KCNQ4: variants seen among roughly 807,000 people sequenced by gnomAD.
KCNQ4 encodes the protein potassium voltage-gated channel subfamily Q member 4, also known as potassium voltage-gated channel subfamily KQT member 4.
KCNQ4 carries 31 observed loss-of-function variants against 72.6 expected under a neutral mutation model. The ratio of observed to expected loss-of-function variants is 0.43; its 90% CI spans 0.32 to 0.58. KCNQ4 has a LOEUF of 0.58. KCNQ4 is among the 20% of genes least tolerant of loss of function. KCNQ4 has a pLI of 0.08. For missense variants in KCNQ4, 869 were observed against 962.6 expected (o/e 0.90, Z 1.29); for synonymous variants, 405 against 403.7 (o/e 1.00, Z -0.04).
chr1:40,838,382 G>A lies in KCNQ4; in HGVS notation c.1947G>A (p.Ser649=). The change falls in exon 14 of 14, where the codon TCG becomes TCA. Residue 649 remains serine, a synonymous_variant. Transcript: ENST00000347132. ...FYSRCLRSGT[S]ASLGAVQVPL... is the part of the protein sequence containing the mutation. The stretch of plus-strand genomic sequence containing the variant: ...CGCGCTGCCTGCGCTCTGGCACCTC[G>A]GCCAGCCTGGGCGCCGTGCAAGTGC... 6.2e-7 allele frequency: 1 copy of A among 1,614,024 alleles called. No homozygotes were observed. Among genetic ancestry groups the A allele is most frequent in the Non-Finnish European group, 8.5e-7 (1 of 1,179,962 alleles).
intron 7 of KCNQ4, 39 bp from the exon 8 acceptor site, chr1:40,822,275 T>C (rs1570835431): frequency 6.6e-7 from 1 of 1,525,904 alleles, no homozygotes; most frequent in East Asian, 2.3e-5. Flanking sequence ...CTGAGAGGCC[T>C]CACTGATGCC....
At chr1:40,787,255 A>C (rs765081159) in intron 1 of KCNQ4, among the ~76,000 whole-genome samples, 1 of 152,134 alleles carries the variant, frequency 6.6e-6, no homozygotes, top group African/African-American at 2.4e-5. Context: ...TGTAGACACA[A>C]TTACTTGGGA....
intron 9 of KCNQ4, among the ~76,000 whole-genome samples, chr1:40,829,376 C>A (rs1474479340): frequency 6.6e-6 from 1 of 152,154 alleles, no homozygotes; most frequent in African/African-American, 2.4e-5. Flanking sequence ...CAGTGGAGAG[C>A]ATGCTGGATA....
chr1:40,811,000 AG>A (rs1402619411), intron 1 of KCNQ4, among the ~76,000 whole-genome samples: 1 of 152,196 alleles, frequency 6.6e-6, no homozygotes. Flanking sequence ...CTCCTTTTAA[AG>A]TGTTCAGTTC....
intron 7 of KCNQ4, among the ~76,000 whole-genome samples, chr1:40,821,685 T>G (rs951901196): frequency 5.9e-5 from 9 of 152,110 alleles, no homozygotes; most frequent in Non-Finnish European, 2.9e-5. Context: ...CTGCAAACAT[T>G]TGCAAAGCAC....
chr1:40,820,912 G>A (rs1648269418), intron 7 of KCNQ4, among the ~76,000 whole-genome samples: 1 of 152,182 alleles, frequency 6.6e-6, no homozygotes, highest in Admixed American at 6.5e-5. Context: ...TTCTAGTCAG[G>A]GGTGTGTGTA....
intron 4 of KCNQ4, chr1:40,819,101 C>T: frequency 1.9e-6 from 1 of 518,762 alleles, no homozygotes; most frequent in Non-Finnish European, 3.4e-6. Flanking sequence ...AGTCCTGAGC[C>T]TGGAACCTGG....
intron 1 of KCNQ4, among the ~76,000 whole-genome samples, chr1:40,799,886 G>A (rs912615716): frequency 6.6e-6 from 1 of 152,180 alleles, no homozygotes; most frequent in Non-Finnish European, 1.5e-5. Context: ...CTGGTTCTTT[G>A]AATGACACCT....
At chr1:40,799,412 G>A (rs1326736617) in intron 1 of KCNQ4, among the ~76,000 whole-genome samples, 1 of 149,354 alleles carries the variant, frequency 6.7e-6, no homozygotes, top group Admixed American at 6.6e-5. Flanking sequence ...ACAAGTCAGG[G>A]AGGCAAATGT....
At chr1:40,814,846 T>C (rs1457536977) in intron 1 of KCNQ4, among the ~76,000 whole-genome samples, 1 of 152,186 alleles carries the variant, frequency 6.6e-6, no homozygotes, top group Non-Finnish European at 1.5e-5. Context: ...GTTTCAAACA[T>C]TGGGATCACA....
chr1:40,829,203 G>A (rs1300779213), intron 9 of KCNQ4, among the ~76,000 whole-genome samples: 2 of 152,222 alleles, frequency 1.3e-5, no homozygotes, highest in Non-Finnish European at 2.9e-5. Flanking sequence ...TCTCCCTCTT[G>A]GAGGAGTGGA....
rs72661504 is a variant in KCNQ4 at position 40,794,294 on chromosome 1, C to T, written c.314+9887C>T. ...CCTGTGGGCAGTGGGGAGCCATACA[C>T]GGTGACAGGCCAGGGTGGGGACACT... On this transcript the variant is annotated intron_variant, in intron 1 of 13. Coordinates refer to ENST00000347132, the MANE Select transcript of KCNQ4 (RefSeq NM_004700.4). This position sits in a 1 kb window ranked among gnomAD's most constrained non-coding sequence, Gnocchi z 4.2. Among the ~76,000 whole-genome samples the T allele has an allele frequency of 0.021, 3,245 of 152,280 alleles. 49 individuals are homozygous for T. Among genetic ancestry groups the T allele is most frequent in the Middle Eastern group, 0.048 (14 of 294 alleles).
At position 40,817,206 on chromosome 1, in the gene KCNQ4, C is replaced by A. The variant is rs2148316949; in HGVS notation, c.315-59C>A. ...TGGCTCTGTAACCCCCTGCCAGGGG[C>A]ACCTTGGCTGTCCTGTCCCTCCAAC... On this transcript the variant is annotated intron_variant, in intron 1 of 13. Coordinates refer to ENST00000347132, the MANE Select transcript of KCNQ4 (RefSeq NM_004700.4). This position sits in a 1 kb window ranked among gnomAD's most constrained non-coding sequence, Gnocchi z 5.5. 1 of 1,383,894 alleles carries A rather than the reference C, an allele frequency of 7.2e-7. No individual in the cohort carries two copies. Among genetic ancestry groups the A allele is most frequent in the Non-Finnish European group, 1.0e-6 (1 of 975,952 alleles). 85.7% of individuals were successfully genotyped at this position (1,383,894 alleles called of 1,614,324 possible).
Position 40,824,150 on chromosome 1 carries a change from G to C in KCNQ4, c.1184G>C (p.Arg395Pro). 1.9e-6 allele frequency: 3 copies of C among 1,567,104 alleles called. No homozygotes were observed. The highest frequency in any genetic ancestry group is 2.6e-6 in the Non-Finnish European group (3 of 1,156,680). ...HVQRARNGGL[R>P]PLEVRRAPVP... is the part of the protein sequence containing the mutation. Reference sequence around the variant, plus strand: ...CAACGGGCCCGCAATGGGGGCCTACGGCCCCTGGAGGTGCGGCGGGCGCCG... The same window carrying C: ...CAACGGGCCCGCAATGGGGGCCTACCGCCCCTGGAGGTGCGGCGGGCGCCG... Residue 395 changes from arginine (R) to proline (P), a missense_variant, in exon 9 of 14, where the codon CGG becomes CCG. Physicochemically the swap from Arg to Pro is moderately radical, Grantham distance 103. This residue lies in a region of KCNQ4 where 480 missense variants were observed against 501.9 expected (regional missense o/e 0.96). Coordinates refer to ENST00000347132, the MANE Select transcript of KCNQ4 (RefSeq NM_004700.4).
At chr1:40,827,126 G>A (rs1648501895) in intron 9 of KCNQ4, among the ~76,000 whole-genome samples, 1 of 152,186 alleles carries the variant, frequency 6.6e-6, no homozygotes, top group Non-Finnish European at 1.5e-5. Flanking sequence ...AGCTGGGTTT[G>A]GCACCTTTGC....
At chr1:40,792,361 C>T (rs555647094) in intron 1 of KCNQ4, among the ~76,000 whole-genome samples, 8 of 152,162 alleles carry the variant, frequency 5.3e-5, no homozygotes, top group South Asian at 2.1e-4. Context: ...GGAACTTCCT[C>T]GCTTAGAGGC....
chr1:40,830,339 CACCTCCA>C (rs1029049971), intron 9 of KCNQ4, among the ~76,000 whole-genome samples: 1 of 152,192 alleles, frequency 6.6e-6, no homozygotes, highest in Non-Finnish European at 1.5e-5. Flanking sequence ...TCACGCTGCA[CACCTCCA>C]GGGCACCACT....
At chr1:40,816,616 G>A (rs1443797261) in intron 1 of KCNQ4, among the ~76,000 whole-genome samples, 1 of 152,166 alleles carries the variant, frequency 6.6e-6, no homozygotes, top group African/African-American at 2.4e-5. Flanking sequence ...GTTTCATGCT[G>A]TCTGCAGGGA....
At chr1:40,829,715 C>T (rs2148328590) in intron 9 of KCNQ4, among the ~76,000 whole-genome samples, 1 of 152,300 alleles carries the variant, frequency 6.6e-6, no homozygotes, top group South Asian at 2.1e-4. Flanking sequence ...TTCAGGTCTC[C>T]TCTAAGGCTG....
Sources: allele counts gnomAD v4.1 joint callset (sites outside exome capture counted in the v4.1 genomes callset), GRCh38; gene constraint gnomAD v4.1.1; regional missense constraint gnomAD v4.1.1; non-coding constraint Gnocchi (gnomAD v3.1); transcripts MANE v1.5; gene names NCBI Gene and HGNC (gene_info 2026-07-23, HGNC 2026-07-21).